Variants in PTPRO observed in about 807,000 individuals in gnomAD.
The protein encoded by PTPRO is receptor-type tyrosine-protein phosphatase O.
In PTPRO, 62 loss-of-function variants were observed where a neutral mutation model predicts 145.2. The ratio of observed to expected loss-of-function variants is 0.43; its 90% confidence interval spans 0.35 to 0.53. PTPRO has a LOEUF of 0.53. Among genes scored for constraint, PTPRO ranks in the 20% least tolerant of loss-of-function variants. The pLI is 0.01. For missense variants in PTPRO, 1,345 were observed against 1,482.7 expected (o/e 0.91, Z 1.53); for synonymous variants, 565 against 514.7 (o/e 1.10, Z -1.32).
intron 1 of PTPRO, among the ~76,000 whole-genome samples, chr12:15,406,110 T>C (rs1043010233): frequency 6.6e-6 from 1 of 152,208 alleles, no homozygotes; most frequent in Non-Finnish European, 1.5e-5. Context: ...TCAGTGACAA[T>C]GTTGGGACCA....
chr12:15,406,762 A>G (rs1939658401), intron 1 of PTPRO, among the ~76,000 whole-genome samples: 1 of 152,204 alleles, frequency 6.6e-6, no homozygotes, highest in East Asian at 1.9e-4. Flanking sequence ...CAGATAAATG[A>G]TGAGGCTCAG....
chr12:15,520,162 C>T (rs1236971806), intron 9 of PTPRO, 39 bp from the exon 10 acceptor site: 1 of 1,395,962 alleles, frequency 7.2e-7, no homozygotes, highest in Non-Finnish European at 1.0e-6. Flanking sequence ...GTACTTTCTC[C>T]CACAGTCTTT....
At chr12:15,485,648 A>G (rs1941870463) in intron 2 of PTPRO, among the ~76,000 whole-genome samples, 1 of 152,184 alleles carries the variant, frequency 6.6e-6, no homozygotes, top group Non-Finnish European at 1.5e-5. Context: ...TCCAACATTT[A>G]TGAGCATGCA....
At chr12:15,579,835 GA>G (rs377098895) in intron 20 of PTPRO, among the ~76,000 whole-genome samples, 6 of 149,666 alleles carry the variant, frequency 4.0e-5, no homozygotes, top group Middle Eastern at 3.4e-3. Context: ...AGCTGGTAGT[GA>G]AAAAAAAATA....
intron 6 of PTPRO, among the ~76,000 whole-genome samples, chr12:15,507,647 C>G (rs7315887): frequency 0.97 from 147,970 of 152,258 alleles, 72,082 homozygotes; most frequent in Middle Eastern, 1. Flanking sequence ...AGGAACAAAC[C>G]TATAAATATG....
At chr12:15,517,999 G>A (rs1294365499) in intron 9 of PTPRO, among the ~76,000 whole-genome samples, 2 of 123,256 alleles carry the variant, frequency 1.6e-5, no homozygotes, top group Non-Finnish European at 3.4e-5. Flanking sequence ...GACTCTGTGT[G>A]CAGTCTCCAG....
intron 23 of PTPRO, among the ~76,000 whole-genome samples, chr12:15,582,086 G>C (rs2135650029): frequency 6.6e-6 from 1 of 152,378 alleles, no homozygotes; most frequent in South Asian, 2.1e-4. Context: ...GGATGGGTCT[G>C]GCTAGTTATC....
At chr12:15,515,684 G>A (rs2136501689) in intron 8 of PTPRO, 66 bp downstream of exon 8, 1 of 1,594,484 alleles carries the variant, frequency 6.3e-7, no homozygotes. Context: ...GGGGTGCAAT[G>A]TGCGAGCTCA....
At chr12:15,464,748 T>G (rs1024384165) in intron 1 of PTPRO, among the ~76,000 whole-genome samples, 2 of 152,086 alleles carry the variant, frequency 1.3e-5, no homozygotes, top group Non-Finnish European at 2.9e-5. Context: ...TATTGTAAAT[T>G]AGCATGATAT....
rs140272836 is a variant in PTPRO, at chr12:15,516,923, A to T, written c.1746A>T (p.Glu582Asp). 1 of 1,614,036 alleles carries T rather than the reference A, an allele frequency of 6.2e-7. No homozygotes were observed. Among genetic ancestry groups the T allele is most frequent in the Non-Finnish European group, 8.5e-7 (1 of 1,179,858 alleles). Residue 582 changes from glutamate to aspartate, a missense_variant, in exon 9 of 27, where the codon GAA (glutamate) becomes GAT (aspartate). This residue lies in a region of PTPRO where 1,130 missense variants were observed against 1,214.7 expected (regional missense o/e 0.93). Coordinates refer to ENST00000281171, the MANE Select transcript of PTPRO (RefSeq NM_030667.3). ...TMTSEWTTYY[E>D]IAATVSLTAS... Reference sequence around the variant, plus strand: ...CATCAGAGTGGACCACCTACTATGAAATAGCAGCAACTGTTTCCTTAACTG... The same window carrying T: ...CATCAGAGTGGACCACCTACTATGATATAGCAGCAACTGTTTCCTTAACTG...
chr12:15,454,286 C>T (rs573470516), intron 1 of PTPRO, among the ~76,000 whole-genome samples: 125 of 152,254 alleles, frequency 8.2e-4, no homozygotes, highest in South Asian at 7.5e-3. Flanking sequence ...TCACTGTGGA[C>T]TTGATTTGCA....
intron 1 of PTPRO, among the ~76,000 whole-genome samples, chr12:15,345,473 C>G (rs934897278): frequency 6.6e-6 from 1 of 152,046 alleles, no homozygotes; most frequent in African/African-American, 2.4e-5. Flanking sequence ...ATGGATGAAG[C>G]TGGAAACCAT....
chr12:15,361,818 C>G (rs1264272943), intron 1 of PTPRO, among the ~76,000 whole-genome samples: 1 of 152,182 alleles, frequency 6.6e-6, no homozygotes, highest in Non-Finnish European at 1.5e-5. Flanking sequence ...AACATTAAAT[C>G]AAACTATTGT....
intron 1 of PTPRO, among the ~76,000 whole-genome samples, chr12:15,406,803 C>T (rs530757430): frequency 2.6e-5 from 4 of 152,306 alleles, no homozygotes; most frequent in South Asian, 4.1e-4. Flanking sequence ...TGTTAACTTT[C>T]TGTCAGTTTT....
At chr12:15,491,081 G>T (rs942848209) in intron 2 of PTPRO, among the ~76,000 whole-genome samples, 2 of 152,192 alleles carry the variant, frequency 1.3e-5, no homozygotes, top group Non-Finnish European at 2.9e-5. Flanking sequence ...TCGCTGGCCT[G>T]CTTTGATGTA....
chr12:15,546,676 C>A lies in PTPRO; in HGVS notation c.2272C>A (p.Gln758Lys). The change falls in exon 13 of 27, where the codon CAA (glutamine) becomes AAA (lysine). Residue 758 changes from glutamine (Q) to lysine (K), a missense_variant. By Grantham distance (53) the Gln-to-Lys change is moderately conservative. Coordinates refer to ENST00000281171, the MANE Select transcript of PTPRO (RefSeq NM_030667.3). ...VADFFEVFCQ[Q>K]VGSSQKTKLQ... Reference sequence around the variant, plus strand: ...TGATTTCTTTGAAGTTTTCTGTCAACAAGTTGGCTCCAGTCAGAAAACCAA... The same window carrying A: ...TGATTTCTTTGAAGTTTTCTGTCAAAAAGTTGGCTCCAGTCAGAAAACCAA... The A allele has an allele frequency of 6.2e-7, 1 of 1,614,012 alleles. No individual in the cohort carries two copies. The highest frequency in any genetic ancestry group is 2.2e-5 in the East Asian group (1 of 44,840).
chr12:15,345,406 C>G (rs1251471392), intron 1 of PTPRO, among the ~76,000 whole-genome samples: 3 of 152,158 alleles, frequency 2.0e-5, no homozygotes, highest in African/African-American at 7.2e-5. Context: ...GGCACATATG[C>G]ACCATGGTAT....
intron 1 of PTPRO, among the ~76,000 whole-genome samples, chr12:15,339,139 G>T (rs896879951): frequency 1.3e-5 from 2 of 152,218 alleles, no homozygotes; most frequent in South Asian, 4.1e-4. Context: ...TGGGCTGGAG[G>T]GAGCACTGAT....
chr12:15,445,582 T>C (rs1156316151), intron 1 of PTPRO, among the ~76,000 whole-genome samples: 1 of 152,168 alleles, frequency 6.6e-6, no homozygotes, highest in Non-Finnish European at 1.5e-5. Context: ...TAACCTAATG[T>C]TAAGTGGAGT....
Sources: allele counts gnomAD v4.1 joint callset (sites outside exome capture counted in the v4.1 genomes callset), GRCh38; gene constraint gnomAD v4.1.1; regional missense constraint gnomAD v4.1.1; transcripts MANE v1.5; gene names NCBI Gene and HGNC (gene_info 2026-07-23, HGNC 2026-07-21).